PCM1: variants seen among roughly 807,000 people sequenced by gnomAD.
PCM1 encodes pericentriolar material 1.
In PCM1, 157 loss-of-function variants were observed where a neutral mutation model predicts 241.9. The ratio of observed to expected loss-of-function variants is 0.65; its 90% CI spans 0.57 to 0.74. The LOEUF (loss-of-function observed/expected upper bound fraction) is 0.74. PCM1 is among the 30% of genes least tolerant of loss of function. PCM1 has a pLI of 0.00. For missense variants in PCM1, 3,478 were observed against 2,360.1 expected, an observed-to-expected ratio of 1.47 and a Z score of -9.81; for synonymous variants, 1,085 against 784.9, an observed-to-expected ratio of 1.38 and a Z score of -6.39.
At chr8:17,980,980 A>G (rs2080539869) in intron 24 of PCM1, among the ~76,000 whole-genome samples, 1 of 152,228 alleles carries the variant, frequency 6.6e-6, no homozygotes, top group Non-Finnish European at 1.5e-5. Flanking sequence ...AAAATTCTAA[A>G]CAAAGGATAG....
chr8:18,027,265 T>C (rs1178460664), intron 38 of PCM1, among the ~76,000 whole-genome samples: 1 of 114,174 alleles, frequency 8.8e-6, no homozygotes, highest in Non-Finnish European at 2.3e-5. Context: ...AACTGCAGCT[T>C]CCTCCACTGT....
chr8:17,986,253 A>G (rs1347331615), intron 26 of PCM1, 166 bp downstream of exon 26: 1 of 462,026 alleles, frequency 2.2e-6, no homozygotes, highest in South Asian at 4.5e-5. Flanking sequence ...GAGATATAAT[A>G]TGCAATCAAA....
intron 1 of PCM1, among the ~76,000 whole-genome samples, chr8:17,923,847 A>G (rs1350445379): frequency 1.3e-5 from 2 of 152,008 alleles, no homozygotes; most frequent in Non-Finnish European, 2.9e-5. Flanking sequence ...TAGAACCGGG[A>G]AAGACTAAAT....
At chr8:17,962,534 T>G (rs139255979) in intron 16 of PCM1, among the ~76,000 whole-genome samples, 2 of 152,144 alleles carry the variant, frequency 1.3e-5, no homozygotes, top group Non-Finnish European at 2.9e-5. Flanking sequence ...CCTTTGACAT[T>G]TTATTTATAT....
intron 7 of PCM1, among the ~76,000 whole-genome samples, chr8:17,948,761 G>A (rs208764): frequency 0.78 from 119,018 of 152,192 alleles, 47,112 homozygotes; most frequent in African/African-American, 0.86. Flanking sequence ...TAATTAAAAT[G>A]CTTTAACATA....
chr8:17,992,935 GTT>G (rs3039044), intron 28 of PCM1, among the ~76,000 whole-genome samples: 2 of 123,932 alleles, frequency 1.6e-5, no homozygotes, highest in African/African-American at 3.1e-5. Flanking sequence ...CTTTTTGATG[GTT>G]TTTTTTTTTT....
In PCM1 at chr8:17,991,677, G is replaced by T. The variant is rs776459832; in HGVS notation, c.4667G>T (p.Gly1556Val). The change falls in exon 28 of 39, where the codon GGT (glycine) becomes GTT (valine). Residue 1556 changes from glycine to valine, a missense_variant. By Grantham distance (109) the Gly-to-Val change is moderately radical. Transcript: ENST00000325083. The part of the protein sequence containing the change: ...IIEDGDGAGA[G>V]TTVNNLEETP... ...GAGGATGGAGATGGTGCTGGTGCAG[G>T]TACTACAGTTAATAATTTAGAAGGT... 2 of 1,554,106 alleles carry T rather than the reference G, an allele frequency of 1.3e-6. No individual in the cohort carries two copies. The highest frequency in any genetic ancestry group is 2.0e-5 in the Admixed American group (1 of 50,674).
chr8:17,986,478 TA>T (rs59505499), intron 26 of PCM1, among the ~76,000 whole-genome samples: 2,258 of 121,408 alleles, frequency 0.019, 9 homozygotes, highest in Non-Finnish European at 0.023. Flanking sequence ...GTCTTTGGGT[TA>T]AAAAAAAAAA....
chr8:17,999,713 AT>A (rs552489748), intron 29 of PCM1, among the ~76,000 whole-genome samples: 40 of 152,174 alleles, frequency 2.6e-4, no homozygotes, highest in Non-Finnish European at 5.3e-4. Context: ...AGGTACCATG[AT>A]TGCTCACCTG....
At chr8:17,991,183 G>A (rs2084500360) in intron 27 of PCM1, among the ~76,000 whole-genome samples, 1 of 151,806 alleles carries the variant, frequency 6.6e-6, no homozygotes, top group Admixed American at 6.6e-5. Context: ...GAATTTGCAT[G>A]ACATTTTGGA....
At chr8:17,944,444 G>C (rs2129452555) in intron 6 of PCM1, among the ~76,000 whole-genome samples, 1 of 152,106 alleles carries the variant, frequency 6.6e-6, no homozygotes, top group South Asian at 2.1e-4. Context: ...ATAATTACTA[G>C]GAGAACCTCA....
At chr8:18,003,352 C>T (rs2090240314) in intron 29 of PCM1, among the ~76,000 whole-genome samples, 2 of 152,202 alleles carry the variant, frequency 1.3e-5, no homozygotes, top group African/African-American at 4.8e-5. Flanking sequence ...CATTGTCACT[C>T]ATAAAACCTT....
At chr8:17,976,688 A>G (rs1275293200) in intron 23 of PCM1, among the ~76,000 whole-genome samples, 1 of 152,166 alleles carries the variant, frequency 6.6e-6, no homozygotes, top group Non-Finnish European at 1.5e-5. Flanking sequence ...CTCAAGTAGA[A>G]GTACTGTTTC....
intron 7 of PCM1, among the ~76,000 whole-genome samples, chr8:17,948,380 C>G (rs770578297): frequency 2.9e-5 from 4 of 139,186 alleles, no homozygotes; most frequent in South Asian, 4.6e-4. Context: ...TCTCGGCTCA[C>G]TGCAACCTCT....
intron 2 of PCM1, among the ~76,000 whole-genome samples, chr8:17,928,787 A>G (rs997884129): frequency 6.6e-6 from 1 of 151,780 alleles, no homozygotes; most frequent in Non-Finnish European, 1.5e-5. Context: ...ATGTGCCACC[A>G]TACCTGGCTA....
Position 18,027,706 on chromosome 8 carries a change from T to C in PCM1, c.*44T>C, listed in dbSNP as rs775192115. 8 of 1,405,686 alleles carry C rather than the reference T, an allele frequency of 5.7e-6. No individual in the cohort carries two copies. In the African/African-American group the frequency reaches 1.1e-4, roughly 20 times the overall value. 87.1% of individuals were successfully genotyped at this position (1,405,686 alleles called of 1,614,324 possible). A position where few individuals can be genotyped will look rare whatever the true frequency, so the allele number is the denominator to read the frequency against. Reference sequence around the variant, plus strand: ...TCTAACTCTGTCCTTACATACTCAATGCATATATGAAAACAATACTAAATA... The same window carrying C: ...TCTAACTCTGTCCTTACATACTCAACGCATATATGAAAACAATACTAAATA... On this transcript the variant is annotated 3_prime_UTR_variant, in exon 39 of 39. Coordinates refer to ENST00000325083, the MANE Select transcript of PCM1 (RefSeq NM_006197.4).
intron 22 of PCM1, among the ~76,000 whole-genome samples, chr8:17,970,684 T>C (rs748719543): frequency 7.9e-5 from 12 of 152,226 alleles, no homozygotes; most frequent in Non-Finnish European, 1.6e-4. Flanking sequence ...TAAACATTTA[T>C]TCAAAGCTTC....
chr8:17,985,965 G>A lies in PCM1; in HGVS notation c.4288G>A (p.Val1430Ile), dbSNP rs781620068. Residue 1430 changes from valine to isoleucine, a missense_variant, in exon 26 of 39, where the codon GTA (valine) becomes ATA (isoleucine). Coordinates refer to ENST00000325083, the MANE Select transcript of PCM1 (RefSeq NM_006197.4). ...ATCTTATTTTCTTATTTAGGACATA[G>A]TATCCAGACATATTTCTGAGAGCCA... ...QRALYALQDI[V>I]SRHISESHEK... is the part of the protein sequence containing the mutation. The A allele has an allele frequency of 2.5e-5, 39 of 1,542,962 alleles. No homozygotes were observed. The highest frequency in any genetic ancestry group is 3.4e-5 in the Non-Finnish European group (38 of 1,127,568).
At chr8:17,952,158 G>A (rs920241337) in intron 8 of PCM1, among the ~76,000 whole-genome samples, 6 of 151,920 alleles carry the variant, frequency 3.9e-5, no homozygotes, top group Non-Finnish European at 8.8e-5. Context: ...AGGAGGCGGA[G>A]GTTTCAGTGA....
Sources: allele counts gnomAD v4.1 joint callset (sites outside exome capture counted in the v4.1 genomes callset), GRCh38; gene constraint gnomAD v4.1.1; transcripts MANE v1.5; gene names NCBI Gene and HGNC (gene_info 2026-07-23, HGNC 2026-07-21).